The following BCKDHB variants were observed in gnomAD, a reference collection of about 807,000 sequenced individuals.
BCKDHB encodes the protein branched chain keto acid dehydrogenase E1 subunit beta.
A neutral mutation model predicts 48.5 loss-of-function variants in BCKDHB; 41 were observed. That is an observed-to-expected ratio of 0.85 (90% CI 0.66 to 1.10). The LOEUF (loss-of-function observed/expected upper bound fraction) is 1.10, where lower values mean the gene tolerates loss of function less well. Ranked by LOEUF, BCKDHB falls within the 50% of genes least tolerant of loss-of-function variation. The pLI is 0.00. For missense variants in BCKDHB, 496 were observed against 494.2 expected, an observed-to-expected ratio of 1.00 and a Z score of -0.03; for synonymous variants, 201 against 174.8, an observed-to-expected ratio of 1.15 and a Z score of -1.18.
intron 3 of BCKDHB, among the ~76,000 whole-genome samples, chr6:80,158,615 G>C (rs531727626): frequency 6.6e-6 from 1 of 152,256 alleles, no homozygotes; most frequent in Non-Finnish European, 1.5e-5. Context: ...AACCCTGTGG[G>C]ATCTGTGCAA....
chr6:80,234,233 A>C (rs1776052506), intron 8 of BCKDHB, among the ~76,000 whole-genome samples: 1 of 152,170 alleles, frequency 6.6e-6, no homozygotes, highest in Admixed American at 6.5e-5. Flanking sequence ...CCCCTGGTAT[A>C]ATGGATGTAG....
At chr6:80,157,612 T>A (rs1003028582) in intron 3 of BCKDHB, among the ~76,000 whole-genome samples, 2 of 151,618 alleles carry the variant, frequency 1.3e-5, no homozygotes, top group African/African-American at 4.8e-5. Flanking sequence ...ATTACAGGCA[T>A]GTGCCACCAC....
At chr6:80,320,554 C>A (rs1044406325) in intron 9 of BCKDHB, among the ~76,000 whole-genome samples, 2 of 152,204 alleles carry the variant, frequency 1.3e-5, no homozygotes, top group Non-Finnish European at 2.9e-5. Flanking sequence ...CAACTTCAGG[C>A]TCTACTTAAG....
At chr6:80,343,298 A>G (rs763519452) in intron 9 of BCKDHB, among the ~76,000 whole-genome samples, 25 of 152,216 alleles carry the variant, frequency 1.6e-4, no homozygotes, top group Non-Finnish European at 3.1e-4. Flanking sequence ...AAAACAGAAA[A>G]TGAGAAGGTA....
At chr6:80,447,076 A>G in the BCKDHB span, among the ~76,000 whole-genome samples, 2 of 152,166 alleles carry the variant, frequency 1.3e-5, no homozygotes. Context: ...GAAGCTTGGG[A>G]CCTTGGGCGA....
chr6:80,200,085 A>C (rs1258334321), intron 6 of BCKDHB, among the ~76,000 whole-genome samples: 1 of 150,898 alleles, frequency 6.6e-6, no homozygotes, highest in African/African-American at 2.4e-5. Flanking sequence ...AAAAAAAAAA[A>C]AAAAGAACTA....
chr6:80,432,994 G>A, the BCKDHB span, among the ~76,000 whole-genome samples: 2 of 152,268 alleles, frequency 1.3e-5, no homozygotes, highest in South Asian at 2.1e-4. Flanking sequence ...AGTGGAGGCT[G>A]CAGAACAGCA....
At chr6:80,411,854 C>G in the BCKDHB span, among the ~76,000 whole-genome samples, 4 of 152,220 alleles carry the variant, frequency 2.6e-5, no homozygotes, top group African/African-American at 9.6e-5. Context: ...TATCAGTTTT[C>G]CAGTCTGTCA....
At chr6:80,402,017 G>C in the BCKDHB span, among the ~76,000 whole-genome samples, 8 of 151,832 alleles carry the variant, frequency 5.3e-5, no homozygotes, top group South Asian at 4.2e-4. Flanking sequence ...TTTATCCACT[G>C]ATTGATATTT....
the BCKDHB span, among the ~76,000 whole-genome samples, chr6:80,422,332 CACTT>C: frequency 6.6e-6 from 1 of 152,176 alleles, no homozygotes; most frequent in East Asian, 1.9e-4. Context: ...TGTATGGAAA[CACTT>C]AGATGTCCAG....
the BCKDHB span, among the ~76,000 whole-genome samples, chr6:80,430,959 T>G: frequency 5.3e-5 from 8 of 152,186 alleles, no homozygotes. Context: ...GGGTTTCTAG[T>G]GCTATAAATT....
intron 1 of BCKDHB, among the ~76,000 whole-genome samples, chr6:80,123,583 C>G (rs1770167443): frequency 1.3e-5 from 2 of 152,170 alleles, no homozygotes; most frequent in South Asian, 4.1e-4. Flanking sequence ...TGTTATTGTT[C>G]TATTCAGAGA....
At chr6:80,325,348 G>T (rs887168328) in intron 9 of BCKDHB, among the ~76,000 whole-genome samples, 4 of 152,222 alleles carry the variant, frequency 2.6e-5, no homozygotes, top group African/African-American at 7.2e-5. Flanking sequence ...CAAATGTGTG[G>T]CTTTTACCTT....
Position 80,325,386 on chromosome 6 carries a change from T to A in BCKDHB, c.1039-18278T>A, listed in dbSNP as rs899836794. Among the ~76,000 whole-genome samples, 3 of 152,330 alleles carry A rather than the reference T, an allele frequency of 2.0e-5. No homozygotes were observed. In the East Asian group the frequency reaches 5.8e-4, roughly 29 times the overall value. On this transcript the variant is annotated intron_variant, in intron 9 of 9. Coordinates refer to ENST00000320393, the MANE Select transcript of BCKDHB (RefSeq NM_183050.4). Reference sequence around the variant, plus strand: ...CTGGTTACTATTTTATAGAAAAATGTAATTGCTAGGTATGTCATTTAAGAC... The same window carrying A: ...CTGGTTACTATTTTATAGAAAAATGAAATTGCTAGGTATGTCATTTAAGAC...
intron 1 of BCKDHB, among the ~76,000 whole-genome samples, chr6:80,118,113 A>G (rs1769806737): frequency 6.6e-6 from 1 of 152,206 alleles, no homozygotes. Context: ...GAAGCTGGGC[A>G]CCAATATATA....
intron 3 of BCKDHB, among the ~76,000 whole-genome samples, chr6:80,153,455 T>C (rs541423355): frequency 2.0e-5 from 3 of 152,142 alleles, no homozygotes; most frequent in Admixed American, 6.6e-5. Flanking sequence ...TGGATAGAGT[T>C]TGAGGATGAG....
intron 8 of BCKDHB, among the ~76,000 whole-genome samples, chr6:80,225,757 C>T (rs891358064): frequency 2.0e-5 from 3 of 151,970 alleles, no homozygotes; most frequent in African/African-American, 7.2e-5. Context: ...TATTTTTTTC[C>T]CCACTTTTCT....
the BCKDHB span, among the ~76,000 whole-genome samples, chr6:80,411,482 A>G: frequency 6.6e-6 from 1 of 152,210 alleles, no homozygotes; most frequent in African/African-American, 2.4e-5. Flanking sequence ...TGGGAGAACC[A>G]CTACTCTCTT....
the BCKDHB span, among the ~76,000 whole-genome samples, chr6:80,425,987 G>T: frequency 2.0e-5 from 3 of 152,032 alleles, no homozygotes; most frequent in Non-Finnish European, 4.4e-5. Context: ...TGCTGACATG[G>T]GTCTGGTGCA....
Sources: gnomAD v4.1 joint callset for allele counts (sites outside exome capture counted in the v4.1 genomes callset) on GRCh38, gnomAD v4.1.1 for gene constraint, MANE v1.5 for transcripts, NCBI Gene and HGNC (gene_info 2026-07-23, HGNC 2026-07-21) for gene names.